TMEM132C: variants seen among roughly 807,000 people sequenced by gnomAD.
TMEM132C encodes transmembrane protein 132C, also known as protein phosphatase 1, regulatory subunit 152.
TMEM132C carries 29 observed loss-of-function variants against 61.4 expected under a neutral mutation model. The ratio of observed to expected loss-of-function variants is 0.47; its 90% CI spans 0.35 to 0.64. The LOEUF (loss-of-function observed/expected upper bound fraction) is 0.64, where lower values mean the gene tolerates loss of function less well. TMEM132C is among the 30% of genes least tolerant of loss of function. The pLI, the probability that TMEM132C is intolerant of heterozygous loss-of-function variation, is 0.00. For missense variants in TMEM132C, 1,408 were observed against 1,476.9 expected (o/e 0.95, Z 0.76); for synonymous variants, 656 against 633.1 (o/e 1.04, Z -0.54).
At chr12:128,343,417 A>G (rs372384718) in intron 1 of TMEM132C, among the ~76,000 whole-genome samples, 1 of 59,360 alleles carries the variant, frequency 1.7e-5, no homozygotes, top group African/African-American at 4.9e-5. Context: ...AGTGAGACTC[A>G]GTCTAAAAAA....
At chr12:128,418,157 A>T (rs1465355460) in intron 2 of TMEM132C, among the ~76,000 whole-genome samples, 1 of 152,248 alleles carries the variant, frequency 6.6e-6, no homozygotes, top group East Asian at 1.9e-4. Flanking sequence ...CCTAAGGGCT[A>T]AAAGCAATTG....
chr12:128,323,527 T>A (rs1252069681), intron 1 of TMEM132C, among the ~76,000 whole-genome samples: 1 of 152,224 alleles, frequency 6.6e-6, no homozygotes, highest in Non-Finnish European at 1.5e-5. Flanking sequence ...AAAATCAATA[T>A]AGCAAGAGGC....
chr12:128,489,887 T>C (rs1871652936), intron 2 of TMEM132C, among the ~76,000 whole-genome samples: 1 of 152,090 alleles, frequency 6.6e-6, no homozygotes, highest in Admixed American at 6.6e-5. Flanking sequence ...GAAATATACT[T>C]TTCAAGCCAA....
intron 5 of TMEM132C, among the ~76,000 whole-genome samples, chr12:128,686,158 G>T (rs576616479): frequency 6.6e-6 from 1 of 152,254 alleles, no homozygotes; most frequent in Admixed American, 6.5e-5. Context: ...GTGTATGTGT[G>T]TGATAGGTGG....
chr12:128,329,051 C>T (rs1185090963), intron 1 of TMEM132C, among the ~76,000 whole-genome samples: 1 of 152,100 alleles, frequency 6.6e-6, no homozygotes. Flanking sequence ...ACCCTAGGCC[C>T]CAGGACTTAT....
intron 1 of TMEM132C, among the ~76,000 whole-genome samples, chr12:128,405,501 TTCTGAG>T (rs967809599): frequency 3.3e-5 from 5 of 152,206 alleles, no homozygotes; most frequent in African/African-American, 7.2e-5. Flanking sequence ...ATTTGAATTA[TTCTGAG>T]TCTATCTAAG....
chr12:128,651,524 C>G (rs540865567), intron 4 of TMEM132C, among the ~76,000 whole-genome samples: 4 of 152,176 alleles, frequency 2.6e-5, no homozygotes, highest in Admixed American at 6.5e-5. Context: ...CTTTCATGCT[C>G]TATATGTTCA....
At chr12:128,360,410 T>G (rs1225553674) in intron 1 of TMEM132C, among the ~76,000 whole-genome samples, 1 of 152,176 alleles carries the variant, frequency 6.6e-6, no homozygotes, top group Non-Finnish European at 1.5e-5. Flanking sequence ...ATGAGTCACA[T>G]GTGGACATTG....
At chr12:128,498,331 A>G (rs567806812) in intron 2 of TMEM132C, among the ~76,000 whole-genome samples, 2 of 152,222 alleles carry the variant, frequency 1.3e-5, no homozygotes, top group East Asian at 3.9e-4. Context: ...CTGGAAAGGA[A>G]GAAGTAAAAC....
At chr12:128,566,852 G>A (rs748918584) in intron 3 of TMEM132C, among the ~76,000 whole-genome samples, 5 of 152,276 alleles carry the variant, frequency 3.3e-5, no homozygotes, top group South Asian at 2.1e-4. Context: ...AGGTTTCCTC[G>A]TCTTTAAAAT....
chr12:128,689,139 A>C (rs1954700379), intron 5 of TMEM132C, among the ~76,000 whole-genome samples: 1 of 151,538 alleles, frequency 6.6e-6, no homozygotes, highest in Non-Finnish European at 1.5e-5. Context: ...TTTCTTTTTT[A>C]ATTTTTTATT....
intron 1 of TMEM132C, among the ~76,000 whole-genome samples, chr12:128,275,281 C>T (rs1032206488): frequency 5.3e-5 from 8 of 152,178 alleles, no homozygotes; most frequent in African/African-American, 1.9e-4. Context: ...AGCTGCTCCC[C>T]ATCCCTCACA....
chr12:128,559,769 T>C (rs777437417), intron 3 of TMEM132C, among the ~76,000 whole-genome samples: 5 of 152,172 alleles, frequency 3.3e-5, no homozygotes, highest in Non-Finnish European at 7.3e-5. Flanking sequence ...TGGGATCCAC[T>C]GAGTCACTGG....
intron 2 of TMEM132C, among the ~76,000 whole-genome samples, chr12:128,470,353 T>G (rs1035652178): frequency 5.3e-5 from 8 of 152,180 alleles, no homozygotes; most frequent in African/African-American, 1.9e-4. Flanking sequence ...CCTAGACCAG[T>G]TTTCAGTGTG....
chr12:128,621,849 G>T (rs911621575), intron 4 of TMEM132C, among the ~76,000 whole-genome samples: 4 of 152,256 alleles, frequency 2.6e-5, no homozygotes, highest in Admixed American at 1.3e-4. Flanking sequence ...GGACTAGCGT[G>T]GGGTGTTGCA....
chr12:128,567,431 C>CAG (rs1874739392), intron 3 of TMEM132C, among the ~76,000 whole-genome samples: 1 of 45,242 alleles, frequency 2.2e-5, no homozygotes, highest in Non-Finnish European at 3.7e-5. Flanking sequence ...TACCCATAGA[C>CAG]ACACACACAC....
chr12:128,585,592 T>G (rs1283172362), intron 3 of TMEM132C, among the ~76,000 whole-genome samples: 3 of 152,242 alleles, frequency 2.0e-5, no homozygotes, highest in Non-Finnish European at 4.4e-5. Flanking sequence ...TTCCCTTAAC[T>G]GAAATATTGT....
intron 1 of TMEM132C, among the ~76,000 whole-genome samples, chr12:128,352,742 G>A (rs1873379774): frequency 6.6e-6 from 1 of 152,186 alleles, no homozygotes; most frequent in Admixed American, 6.5e-5. Flanking sequence ...GAGTCTAATA[G>A]TTCACAGCTC....
intron 2 of TMEM132C, among the ~76,000 whole-genome samples, chr12:128,428,340 C>T (rs1287676265): frequency 2.6e-5 from 4 of 152,140 alleles, no homozygotes; most frequent in South Asian, 2.1e-4. Flanking sequence ...CAACTCCATT[C>T]GCCCACATTG....
Sources: gnomAD v4.1 joint callset for allele counts (sites outside exome capture counted in the v4.1 genomes callset) on GRCh38, gnomAD v4.1.1 for gene constraint, MANE v1.5 for transcripts, NCBI Gene and HGNC (gene_info 2026-07-23, HGNC 2026-07-21) for gene names.